RAD23B: variants seen among roughly 807,000 people sequenced by gnomAD.
RAD23B encodes RAD23 nucleotide excision repair protein B.
Under a neutral mutation model 49.1 loss-of-function variants are expected in RAD23B, and 5 were observed. That is an observed-to-expected ratio of 0.10 (90% CI 0.05 to 0.21). The LOEUF (loss-of-function observed/expected upper bound fraction) is 0.21. Ranked by LOEUF, RAD23B falls within the 10% of genes least tolerant of loss-of-function variation. The pLI is 1.00. For synonymous variants in RAD23B, 184 were observed against 165.4 expected (o/e 1.11, Z -0.86); for missense variants, 356 against 486.7 (o/e 0.73, Z 2.53).
intron 1 of RAD23B, among the ~76,000 whole-genome samples, chr9:107,297,345 T>TACA (rs1331975675): frequency 6.6e-6 from 1 of 152,108 alleles, no homozygotes; most frequent in Admixed American, 6.5e-5. Context: ...GTGTTTGTTT[T>TACA]GTTTTGTTTT....
intron 6 of RAD23B, among the ~76,000 whole-genome samples, chr9:107,321,484 G>A (rs571817354): frequency 1.4e-5 from 2 of 142,750 alleles, no homozygotes; most frequent in East Asian, 1.9e-4. Context: ...TGTCAAGTGT[G>A]CATCAAAACC....
intron 1 of RAD23B, chr9:107,284,029 C>T (rs1443165242): frequency 1.9e-6 from 2 of 1,054,848 alleles, no homozygotes; most frequent in South Asian, 4.4e-5. Flanking sequence ...GCCGTAGAGC[C>T]TGGCTTTCTG....
At chr9:107,324,362 A>C (rs1827162316) in intron 8 of RAD23B, among the ~76,000 whole-genome samples, 1 of 152,190 alleles carries the variant, frequency 6.6e-6, no homozygotes, top group African/African-American at 2.4e-5. Flanking sequence ...CTTATTACTC[A>C]GTTCCTTTTT....
chr9:107,311,579 T>C (rs1489574428), intron 4 of RAD23B, 103 bp from the exon 5 acceptor site: 1 of 774,868 alleles, frequency 1.3e-6, no homozygotes, highest in Non-Finnish European at 2.0e-6. Flanking sequence ...TTATATTTAA[T>C]TAAAATCAAA....
At chr9:107,308,191 A>G (rs949885272) in intron 4 of RAD23B, among the ~76,000 whole-genome samples, 3 of 149,696 alleles carry the variant, frequency 2.0e-5, no homozygotes, top group African/African-American at 7.4e-5. Context: ...AATGCCATCA[A>G]TTTAAATTTC....
chr9:107,328,187 CTGCTTTCATAGATGAATAGT>C (rs1827244720), intron 9 of RAD23B, among the ~76,000 whole-genome samples: 2 of 152,128 alleles, frequency 1.3e-5, no homozygotes, highest in Admixed American at 1.3e-4. Flanking sequence ...TTAGTTTCTT[CTGCTTTCATAGATGAATAGT>C]TATTCGTGAT....
chr9:107,309,461 G>A (rs1826846069), intron 4 of RAD23B, among the ~76,000 whole-genome samples: 1 of 152,140 alleles, frequency 6.6e-6, no homozygotes, highest in Non-Finnish European at 1.5e-5. Flanking sequence ...CATTTTCTGT[G>A]GGTATGCATG....
In RAD23B at chr9:107,300,210, T is replaced by C. The variant is rs1399756914; in HGVS notation, c.136T>C (p.Leu46=). ...TGCCTTTCCAGTAGCAGGTCAAAAATTAATTTATGCAGGTATGAATTAAAT... is the reference window on the plus strand; with the variant it reads ...TGCCTTTCCAGTAGCAGGTCAAAAACTAATTTATGCAGGTATGAATTAAAT... ...KDAFPVAGQK[L]IYAGKILNDD... Residue 46 remains leucine, a synonymous_variant, in exon 2 of 10, where the codon TTA becomes CTA. Coordinates refer to ENST00000358015, the MANE Select transcript of RAD23B (RefSeq NM_002874.5). 1 of 1,608,546 alleles carries C rather than the reference T, an allele frequency of 6.2e-7. No individual in the cohort carries two copies. Among genetic ancestry groups the C allele is most frequent in the Non-Finnish European group, 8.5e-7 (1 of 1,177,338 alleles).
intron 1 of RAD23B, among the ~76,000 whole-genome samples, chr9:107,291,700 C>A (rs988010264): frequency 6.6e-6 from 1 of 152,084 alleles, no homozygotes. Context: ...GGTGCCTGTA[C>A]CAGTTTCTCA....
chr9:107,311,682 T>C lies in RAD23B; in HGVS notation c.498T>C (p.Ser166=). ...PVATSPTATD[S]TSGDSSRSNL... ...TGATTTTTCTAAAATCCTTTTGTAG[T>C]ACATCGGGTGATTCTTCTCGGTCAA... The change falls in exon 5 of 10, where the codon AGT becomes AGC. Residue 166 remains serine, a splice_region_variant and synonymous_variant. Transcript: ENST00000358015. The C allele has an allele frequency of 6.3e-7, 1 of 1,575,124 alleles. No homozygotes were observed. The highest frequency in any genetic ancestry group is 8.6e-7 in the Non-Finnish European group (1 of 1,167,198).
At chr9:107,308,279 C>T (rs1307937646) in intron 4 of RAD23B, among the ~76,000 whole-genome samples, 9 of 149,770 alleles carry the variant, frequency 6.0e-5, no homozygotes, top group Admixed American at 4.7e-4. Context: ...AGTGCAGTGG[C>T]GTGACCTCGG....
chr9:107,283,769 C>A (rs1296234211), intron 1 of RAD23B, 74 bp downstream of exon 1: 1 of 1,260,568 alleles, frequency 7.9e-7, no homozygotes, highest in Non-Finnish European at 1.0e-6. Flanking sequence ...TGGGGCCGGG[C>A]GGCGCGCTCC....
chr9:107,305,860 A>G (rs1305859954), intron 3 of RAD23B, among the ~76,000 whole-genome samples: 1 of 151,856 alleles, frequency 6.6e-6, no homozygotes, highest in Non-Finnish European at 1.5e-5. Context: ...CTGTAATCCT[A>G]GCGCTTTGGG....
At chr9:107,326,347 G>C (rs1310576449) in intron 9 of RAD23B, among the ~76,000 whole-genome samples, 2 of 145,718 alleles carry the variant, frequency 1.4e-5, no homozygotes, top group East Asian at 3.9e-4. Context: ...CAGGCGTGAT[G>C]GTGGGCGCCT....
At chr9:107,321,132 G>A (rs1827103082) in intron 6 of RAD23B, among the ~76,000 whole-genome samples, 1 of 152,040 alleles carries the variant, frequency 6.6e-6, no homozygotes, top group South Asian at 2.1e-4. Flanking sequence ...TAAAAGATAA[G>A]TACTATAAAC....
intron 4 of RAD23B, among the ~76,000 whole-genome samples, chr9:107,307,412 G>A (rs1200549222): frequency 1.3e-5 from 2 of 152,200 alleles, no homozygotes; most frequent in Non-Finnish European, 2.9e-5. Flanking sequence ...TTAAGTCAGA[G>A]TTCTCTTGGT....
At chr9:107,299,868 A>G (rs1309343474) in intron 1 of RAD23B, among the ~76,000 whole-genome samples, 1 of 152,162 alleles carries the variant, frequency 6.6e-6, no homozygotes, top group African/African-American at 2.4e-5. Flanking sequence ...CAAAACTTTG[A>G]TGTTGAAAAC....
chr9:107,319,132 T>TTTTTC (rs777359621), intron 6 of RAD23B, among the ~76,000 whole-genome samples: 7,975 of 132,032 alleles, frequency 0.06, 359 homozygotes, highest in South Asian at 0.12. Flanking sequence ...TTTTTTCTTT[T>TTTTTC]TTTTTTTTTT....
Position 107,285,750 on chromosome 9 carries a change from T to TA in RAD23B, c.66+2062dup, listed in dbSNP as rs367850905. ...AAATATAATTTTGTTGCTGTTAGTA[T>TA]AAAAAAACTAATACTGTTAGTCCGG... is the stretch of plus-strand genomic sequence containing the variant. On this transcript the variant is annotated intron_variant, in intron 1 of 9. Coordinates refer to ENST00000358015, the MANE Select transcript of RAD23B (RefSeq NM_002874.5). Among the ~76,000 whole-genome samples, 839 of 152,330 alleles carry TA rather than the reference T, an allele frequency of 5.5e-3. 7 individuals carry two copies. The highest frequency in any genetic ancestry group is 0.02 in the African/African-American group (811 of 41,574).
Sources: gnomAD v4.1 joint callset for allele counts (sites outside exome capture counted in the v4.1 genomes callset) on GRCh38, gnomAD v4.1.1 for gene constraint, MANE v1.5 for transcripts, NCBI Gene and HGNC (gene_info 2026-07-23, HGNC 2026-07-21) for gene names.